ALDH18A1: variants seen among roughly 807,000 people sequenced by gnomAD.
ALDH18A1 encodes the protein aldehyde dehydrogenase 18 family member A1.
A neutral mutation model predicts 88.8 loss-of-function variants in ALDH18A1; 44 were observed. The observed-to-expected ratio is 0.50, with a 90% CI of 0.39 to 0.64. The LOEUF is 0.64. ALDH18A1 is among the 30% of genes least tolerant of loss of function. The pLI is 0.00. For synonymous variants in ALDH18A1, 331 were observed against 372.1 expected, an observed-to-expected ratio of 0.89 and a Z score of 1.27; for missense variants, 782 against 1,009.5, an observed-to-expected ratio of 0.77 and a Z score of 3.05.
At position 95,627,552 on chromosome 10, in the gene ALDH18A1, G is replaced by C. The variant is rs746746819; in HGVS notation, c.968C>G (p.Thr323Ser). 6.2e-7 allele frequency: 1 copy of C among 1,614,030 alleles called. No individual in the cohort carries two copies. The highest frequency in any genetic ancestry group is 8.5e-7 in the Non-Finnish European group (1 of 1,179,990). ...KAALWALQGG[T>S]SVVIANGTHP... ...GGTTCCATTGGCAATAACAACAGAA[G>C]TGCCACCTTGCAAAGCCCAGAGGGC... Residue 323 changes from threonine to serine, a missense_variant, in exon 9 of 18, where the codon ACT becomes AGT. By Grantham distance (58) the Thr-to-Ser change is moderately conservative (BLOSUM62 1). This residue lies in a region of ALDH18A1 where 556 missense variants were observed against 654.5 expected (regional missense o/e 0.85). Coordinates refer to ENST00000371224, the MANE Select transcript of ALDH18A1 (RefSeq NM_002860.4).
At chr10:95,617,477 C>A (rs2097845953) in intron 12 of ALDH18A1, among the ~76,000 whole-genome samples, 2 of 152,212 alleles carry the variant, frequency 1.3e-5, no homozygotes, top group South Asian at 4.1e-4. Flanking sequence ...CTCCTGCCAG[C>A]CCCTGGGCAG....
rs2097862186 is a variant in ALDH18A1 at position 95,627,539 on chromosome 10, A to C, written c.981T>G (p.Ile327Met). ...WALQGGTSVV[I>M]ANGTHPKVSG... ...ACACCTTTGGGTGGGTTCCATTGGC[A>C]ATAACAACAGAAGTGCCACCTTGCA... The change falls in exon 9 of 18, where the codon ATT (isoleucine) becomes ATG (methionine). Residue 327 changes from isoleucine (I) to methionine (M), a missense_variant. Coordinates refer to ENST00000371224, the MANE Select transcript of ALDH18A1 (RefSeq NM_002860.4). 1.9e-6 allele frequency: 3 copies of C among 1,614,034 alleles called. No homozygotes were observed. The highest frequency in any genetic ancestry group is 2.5e-6 in the Non-Finnish European group (3 of 1,180,004).
intron 7 of ALDH18A1, among the ~76,000 whole-genome samples, chr10:95,632,416 A>T (rs922851769): frequency 6.6e-6 from 1 of 152,218 alleles, no homozygotes; most frequent in South Asian, 2.1e-4. Flanking sequence ...CCCAGGCTGG[A>T]GTGCAGTGGC....
chr10:95,612,226 ACTGTGGCTAC>A (rs1727498739), intron 15 of ALDH18A1, among the ~76,000 whole-genome samples: 1 of 152,170 alleles, frequency 6.6e-6, no homozygotes, highest in African/African-American at 2.4e-5. Flanking sequence ...AGCACCTGAA[ACTGTGGCTAC>A]TCATTTGATT....
At chr10:95,635,289 A>G (rs1427117000) in intron 5 of ALDH18A1, among the ~76,000 whole-genome samples, 1 of 152,186 alleles carries the variant, frequency 6.6e-6, no homozygotes, top group Non-Finnish European at 1.5e-5. Flanking sequence ...CAATTAATAT[A>G]AACCCGTGTG....
At chr10:95,619,201 GAATAA>G (rs925866560) in intron 12 of ALDH18A1, among the ~76,000 whole-genome samples, 13 of 152,026 alleles carry the variant, frequency 8.6e-5, no homozygotes, top group African/African-American at 3.1e-4. Flanking sequence ...GCTACAAAGA[GAATAA>G]AATACCTAGG....
rs143085608 is a variant in ALDH18A1 at position 95,643,984 on chromosome 10, A to G, written c.89-778T>C. ...CATGGTGAAACCCCGTCTCTACTAA[A>G]ATGCAAAACTTAGCCGAGCATGGTG... On this transcript the variant is annotated intron_variant, in intron 2 of 17. Coordinates refer to ENST00000371224, the MANE Select transcript of ALDH18A1 (RefSeq NM_002860.4). Among the ~76,000 whole-genome samples the G allele has an allele frequency of 8.1e-3, 1,227 of 152,288 alleles. 13 individuals are homozygous for G. The highest frequency in any genetic ancestry group is 0.012 in the Admixed American group (188 of 15,290).
chr10:95,648,846 A>C (rs4258314), intron 2 of ALDH18A1, among the ~76,000 whole-genome samples: 42,075 of 152,144 alleles, frequency 0.28, 6,798 homozygotes, highest in Admixed American at 0.39. Context: ...AGCTGAGCCC[A>C]GTCCAAAATA....
chr10:95,632,024 G>A (rs536325906), intron 7 of ALDH18A1, among the ~76,000 whole-genome samples: 22 of 152,274 alleles, frequency 1.4e-4, no homozygotes, highest in Non-Finnish European at 2.8e-4. Flanking sequence ...TACATCCACA[G>A]AGTGGAATAT....
At chr10:95,633,201 TTC>T in intron 6 of ALDH18A1, 152 bp from the exon 7 acceptor site, 1 of 774,654 alleles carries the variant, frequency 1.3e-6, no homozygotes, top group South Asian at 1.5e-5. Context: ...TGCAGGCCCC[TTC>T]TGTCTGCAGA....
intron 1 of ALDH18A1, 101 bp downstream of exon 1, chr10:95,656,496 T>A (rs964791826): frequency 6.6e-6 from 1 of 151,816 alleles, no homozygotes; most frequent in Non-Finnish European, 1.5e-5. Context: ...GCGTCCCCGC[T>A]CCAGCGGCCC....
Position 95,616,542 on chromosome 10 carries a change from G to A in ALDH18A1, c.1540C>T (p.Arg514Trp), listed in dbSNP as rs770442555. ...KGGKEAAHSN[R>W]ILHLLTQEAL... The stretch of plus-strand genomic sequence containing the variant: ...TCCTGGGTCAGGAGGTGGAGAATCC[G>A]GTTGCTGTGTGCAGCCTCCTTCCCT... The change falls in exon 13 of 18, where the codon CGG becomes TGG. Residue 514 changes from arginine to tryptophan, a missense_variant. Around this residue, in one of 3 missense-constraint regions of ALDH18A1, gnomAD observed 556 missense variants for 654.5 expected, o/e 0.85. Transcript: ENST00000371224. 1.3e-5 allele frequency: 20 copies of A among 1,593,582 alleles called. No homozygotes were observed. The highest frequency in any genetic ancestry group is 1.7e-4 in the Middle Eastern group (1 of 6,038).
chr10:95,614,200 G>T, intron 13 of ALDH18A1, 39 bp from the exon 14 acceptor site: 1 of 1,599,570 alleles, frequency 6.3e-7, no homozygotes, highest in South Asian at 1.1e-5. Context: ...GATGACATCT[G>T]ACCACACAAA....
intron 5 of ALDH18A1, among the ~76,000 whole-genome samples, chr10:95,635,620 T>C (rs2097879130): frequency 6.6e-6 from 1 of 152,102 alleles, no homozygotes; most frequent in African/African-American, 2.4e-5. Context: ...AAAGGGCAAA[T>C]ATTTTCTGTA....
At position 95,611,280 on chromosome 10, in the gene ALDH18A1, T is replaced by C; in HGVS notation, c.2086A>G (p.Thr696Ala). 6.2e-7 allele frequency: 1 copy of C among 1,614,120 alleles called. No homozygotes were observed. Among genetic ancestry groups the C allele is most frequent in the South Asian group, 1.1e-5 (1 of 91,066 alleles). ...DHIHKYGSSH[T>A]DVIVTEDENT... ...CCGTCCTCTGTGACGATGACATCCG[T>C]GTGGGAGCTGCCATACTTGTGGATG... Residue 696 changes from threonine to alanine, a missense_variant, in exon 16 of 18, where the codon ACG (threonine) becomes GCG (alanine). Thr to Ala is a moderately conservative substitution (Grantham distance 58). Around this residue, in one of 3 missense-constraint regions of ALDH18A1, gnomAD observed 556 missense variants for 654.5 expected, o/e 0.85. Coordinates refer to ENST00000371224, the MANE Select transcript of ALDH18A1 (RefSeq NM_002860.4).
rs772389382 is a variant in ALDH18A1 at position 95,627,593 on chromosome 10, A to T, written c.934-7T>A. The T allele has an allele frequency of 1.2e-6, 2 of 1,614,038 alleles. No homozygotes were observed. The highest frequency in any genetic ancestry group is 4.5e-5 in the East Asian group (2 of 44,888). On this transcript the variant is annotated splice_region_variant and splice_polypyrimidine_tract_variant and intron_variant, in intron 8 of 17. Coordinates refer to ENST00000371224, the MANE Select transcript of ALDH18A1 (RefSeq NM_002860.4). ...CCCAGAGGGCTGCTTTCACCTAATGAGACAGGTTAGATCCAGTAAAGATGA... is the reference window on the plus strand; with the variant it reads ...CCCAGAGGGCTGCTTTCACCTAATGTGACAGGTTAGATCCAGTAAAGATGA...
chr10:95,631,658 G>T (rs1325126323), intron 7 of ALDH18A1, among the ~76,000 whole-genome samples: 1 of 147,132 alleles, frequency 6.8e-6, no homozygotes, highest in Non-Finnish European at 1.5e-5. Context: ...CAGGAGAATC[G>T]CTTGAACCTG....
chr10:95,633,330 C>T (rs2097874254), intron 6 of ALDH18A1, among the ~76,000 whole-genome samples, 161 bp downstream of exon 6: 1 of 152,226 alleles, frequency 6.6e-6, no homozygotes, highest in African/African-American at 2.4e-5. Flanking sequence ...CTGTTGAATG[C>T]AACCACGAGT....
At chr10:95,642,601 T>C (rs946722460) in intron 3 of ALDH18A1, among the ~76,000 whole-genome samples, 2 of 152,104 alleles carry the variant, frequency 1.3e-5, no homozygotes, top group African/African-American at 2.4e-5. Context: ...GGTGACAGAG[T>C]GAGATCCTCT....
Sources: allele counts gnomAD v4.1 joint callset (sites outside exome capture counted in the v4.1 genomes callset), GRCh38; gene constraint gnomAD v4.1.1; regional missense constraint gnomAD v4.1.1; transcripts MANE v1.5; gene names NCBI Gene and HGNC (gene_info 2026-07-23, HGNC 2026-07-21).